GRID2: variants seen among roughly 807,000 people sequenced by gnomAD.
GRID2 encodes the protein glutamate receptor ionotropic, delta-2.
Under a neutral mutation model 114.8 loss-of-function variants are expected in GRID2, and 33 were observed. That is an observed-to-expected ratio of 0.29 (90% CI 0.22 to 0.38). The LOEUF (loss-of-function observed/expected upper bound fraction) is 0.38. Among genes scored for constraint, GRID2 ranks in the 10% least tolerant of loss-of-function variants. The pLI, the probability that GRID2 is intolerant of heterozygous loss-of-function variation, is 1.00. For missense variants in GRID2, 1,184 were observed against 1,257.7 expected (o/e 0.94, Z 0.89); for synonymous variants, 505 against 449.9 (o/e 1.12, Z -1.55).
chr4:93,337,011 G>A (rs1759159234), intron 8 of GRID2, among the ~76,000 whole-genome samples: 1 of 152,066 alleles, frequency 6.6e-6, no homozygotes, highest in Admixed American at 6.5e-5. Context: ...CTTGTGGGGA[G>A]AAGTTTCTTA....
chr4:93,287,872 G>T (rs1385334778), intron 8 of GRID2, among the ~76,000 whole-genome samples: 1 of 152,122 alleles, frequency 6.6e-6, no homozygotes, highest in African/African-American at 2.4e-5. Context: ...ATACCAGTCT[G>T]TCAATATTAT....
chr4:92,771,506 G>T (rs2149352466), intron 2 of GRID2, among the ~76,000 whole-genome samples: 1 of 152,212 alleles, frequency 6.6e-6, no homozygotes, highest in East Asian at 1.9e-4. Flanking sequence ...CCCTCTTTTG[G>T]TTGGAGTGTG....
chr4:92,783,927 C>T (rs1388014163), intron 2 of GRID2, among the ~76,000 whole-genome samples: 1 of 151,916 alleles, frequency 6.6e-6, no homozygotes, highest in Non-Finnish European at 1.5e-5. Flanking sequence ...TTGCTTCCTC[C>T]TATTTTAAAA....
intron 4 of GRID2, among the ~76,000 whole-genome samples, chr4:93,142,459 G>A (rs891365777): frequency 7.2e-5 from 11 of 152,056 alleles, no homozygotes; most frequent in Non-Finnish European, 1.2e-4. Context: ...GGGTGAACAA[G>A]TTCTCTGGAG....
At chr4:93,340,084 G>A (rs113302390) in intron 8 of GRID2, among the ~76,000 whole-genome samples, 1 of 152,020 alleles carries the variant, frequency 6.6e-6, no homozygotes, top group Non-Finnish European at 1.5e-5. Context: ...ATCTTTTGTT[G>A]TTTGCAGTTT....
At chr4:92,999,088 A>G (rs1278129230) in intron 2 of GRID2, among the ~76,000 whole-genome samples, 3 of 151,704 alleles carry the variant, frequency 2.0e-5, no homozygotes, top group African/African-American at 7.3e-5. Flanking sequence ...TTAATGTACT[A>G]TTTTTTTCCA....
chr4:93,554,961 G>A (rs1393395089), intron 13 of GRID2, among the ~76,000 whole-genome samples: 2 of 152,150 alleles, frequency 1.3e-5, no homozygotes, highest in Non-Finnish European at 2.9e-5. Flanking sequence ...CAGAGTGCAA[G>A]CTGAAGCAGG....
chr4:93,515,424 G>A lies in GRID2; in HGVS notation c.2193+13G>A. ...AGGCATTCAAAAGGTACTGTCCATG[G>A]TTCTCCTTTAATAGTCCTTACCATT... On this transcript the variant is annotated intron_variant, in intron 13 of 15. Coordinates refer to ENST00000282020, the MANE Select transcript of GRID2 (RefSeq NM_001510.4). 2.6e-6 allele frequency: 4 copies of A among 1,553,208 alleles called. No individual in the cohort carries two copies. Among genetic ancestry groups the A allele is most frequent in the Non-Finnish European group, 2.7e-6 (3 of 1,127,500 alleles).
chr4:92,867,531 G>A (rs1227613657), intron 2 of GRID2, among the ~76,000 whole-genome samples: 1 of 151,624 alleles, frequency 6.6e-6, no homozygotes, highest in Non-Finnish European at 1.5e-5. Context: ...TGGTAATTGA[G>A]CAAGTGATTA....
chr4:93,249,801 T>C (rs191922382), intron 8 of GRID2, among the ~76,000 whole-genome samples: 1 of 152,058 alleles, frequency 6.6e-6, no homozygotes, highest in Admixed American at 6.6e-5. Flanking sequence ...CGAGATACCA[T>C]CTCATGCCCG....
chr4:93,470,908 ATGATATTGTAAAATG>A (rs35831997), intron 11 of GRID2, among the ~76,000 whole-genome samples: 36,640 of 151,734 alleles, frequency 0.24, 5,401 homozygotes, highest in Non-Finnish European at 0.34. Context: ...CTTTTCTGTT[ATGATATTGTAAAATG>A]TGGCTCATTC....
intron 8 of GRID2, among the ~76,000 whole-genome samples, chr4:93,249,657 TAAAC>T (rs1239373301): frequency 1.3e-5 from 2 of 151,176 alleles, no homozygotes; most frequent in Non-Finnish European, 3.0e-5. Flanking sequence ...ACAAGAAAAA[TAAAC>T]AACCCCATCA....
At chr4:92,726,686 T>A (rs1414129086) in intron 2 of GRID2, among the ~76,000 whole-genome samples, 1 of 152,118 alleles carries the variant, frequency 6.6e-6, no homozygotes. Flanking sequence ...AACAAGCAGA[T>A]TGAGTCAGAT....
At chr4:93,261,631 T>C (rs953692376) in intron 8 of GRID2, among the ~76,000 whole-genome samples, 12 of 151,778 alleles carry the variant, frequency 7.9e-5, no homozygotes, top group African/African-American at 2.7e-4. Flanking sequence ...TAAACTGATA[T>C]AATAGATTGA....
intron 1 of GRID2, among the ~76,000 whole-genome samples, chr4:92,546,076 A>T (rs945854239): frequency 2.6e-5 from 4 of 152,104 alleles, no homozygotes; most frequent in Non-Finnish European, 4.4e-5. Context: ...CCCTATCACA[A>T]TCTGCCTGTT....
chr4:93,493,668 G>A (rs1727247087), intron 12 of GRID2, among the ~76,000 whole-genome samples: 1 of 151,644 alleles, frequency 6.6e-6, no homozygotes. Flanking sequence ...AACTTTGCCA[G>A]CACCAGTTTT....
chr4:93,063,287 T>C (rs6811974), intron 2 of GRID2, among the ~76,000 whole-genome samples: 64,083 of 151,668 alleles, frequency 0.42, 13,907 homozygotes, highest in Middle Eastern at 0.59. Context: ...ATTCTGTATA[T>C]GAAGGATTCT....
At chr4:93,593,117 T>C (rs1302540876) in intron 13 of GRID2, among the ~76,000 whole-genome samples, 1 of 152,142 alleles carries the variant, frequency 6.6e-6, no homozygotes, top group Middle Eastern at 3.4e-3. Context: ...TAGCTGGTTA[T>C]TTTGCTTGTT....
intron 4 of GRID2, among the ~76,000 whole-genome samples, chr4:93,115,643 G>T (rs1462464208): frequency 2.0e-5 from 3 of 152,098 alleles, no homozygotes; most frequent in Admixed American, 2.0e-4. Flanking sequence ...AGAAAAAGAG[G>T]TTTAATGGAC....
Sources: allele counts gnomAD v4.1 joint callset (sites outside exome capture counted in the v4.1 genomes callset), GRCh38; gene constraint gnomAD v4.1.1; transcripts MANE v1.5; gene names NCBI Gene and HGNC (gene_info 2026-07-23, HGNC 2026-07-21).